HEATR5A: variants seen among roughly 807,000 people sequenced by gnomAD.
HEATR5A encodes the protein HEAT repeat containing 5A, also known as HEAT repeat-containing protein 5A.
Under a neutral mutation model 218.8 loss-of-function variants are expected in HEATR5A, and 178 were observed. The observed-to-expected ratio is 0.81, with a 90% CI of 0.72 to 0.92. The LOEUF (loss-of-function observed/expected upper bound fraction) is 0.92. Ranked by LOEUF, HEATR5A falls within the 40% of genes least tolerant of loss-of-function variation. HEATR5A has a pLI of 0.00. For synonymous variants in HEATR5A, 864 were observed against 871.6 expected (o/e 0.99, Z 0.15); for missense variants, 2,420 against 2,418.9 (o/e 1.00, Z -0.01).
intron 22 of HEATR5A, among the ~76,000 whole-genome samples, chr14:31,334,962 A>AG (rs1229017413): frequency 1.3e-5 from 2 of 151,118 alleles, no homozygotes; most frequent in Admixed American, 6.6e-5. Flanking sequence ...AAAAAAAAAA[A>AG]AAAGAAAAAG....
chr14:31,419,521 TTCC>T (rs1182570705), intron 1 of HEATR5A, among the ~76,000 whole-genome samples: 3 of 152,216 alleles, frequency 2.0e-5, no homozygotes, highest in African/African-American at 7.2e-5. Context: ...GCCCCTTTTT[TTCC>T]TCCTTAAACT....
In HEATR5A at chr14:31,327,948, C is replaced by T. The variant is rs151095891; in HGVS notation, c.3368-1606G>A. ...TTTGAAAGGTTATATTATTAGTAGA[C>T]TATTCTATTTATTTATTGTTTTGGA... On this transcript the variant is annotated intron_variant, in intron 22 of 35. Coordinates refer to ENST00000543095, the MANE Select transcript of HEATR5A (RefSeq NM_015473.4). Among the ~76,000 whole-genome samples, 3 of 152,110 alleles carry T rather than the reference C, an allele frequency of 2.0e-5. 1 individual carries two copies. The highest frequency in any genetic ancestry group is 7.2e-5 in the African/African-American group (3 of 41,528).
At chr14:31,397,734 C>T (rs745876489) in intron 4 of HEATR5A, among the ~76,000 whole-genome samples, 12 of 152,050 alleles carry the variant, frequency 7.9e-5, no homozygotes, top group Middle Eastern at 3.4e-3. Flanking sequence ...CCATAGCTCA[C>T]GACAGCCTCG....
intron 32 of HEATR5A, among the ~76,000 whole-genome samples, chr14:31,304,589 G>C (rs1170525711): frequency 6.6e-6 from 1 of 152,008 alleles, no homozygotes; most frequent in African/African-American, 2.4e-5. Flanking sequence ...GGCTAATTTT[G>C]TATTTTTAGT....
intron 13 of HEATR5A, among the ~76,000 whole-genome samples, chr14:31,366,185 G>A (rs1196861298): frequency 6.6e-6 from 1 of 152,146 alleles, no homozygotes; most frequent in Admixed American, 6.5e-5. Flanking sequence ...GAGGCCAGAT[G>A]ATCGCTTGAG....
Position 31,388,836 on chromosome 14 carries a change from G to A in HEATR5A, c.933+9C>T. The stretch of plus-strand genomic sequence containing the variant: ...GAGTTAGACTGAGATACTGATTTGT[G>A]ATTCCAACCTGAGTAACTCCAACTC... On this transcript the variant is annotated intron_variant, in intron 7 of 35. Transcript: ENST00000543095. The A allele has an allele frequency of 6.2e-7, 1 of 1,611,584 alleles. No homozygotes were observed. The highest frequency in any genetic ancestry group is 1.3e-5 in the African/African-American group (1 of 74,978).
At position 31,293,915 on chromosome 14, in the gene HEATR5A, C is replaced by T; in HGVS notation, c.5809G>A (p.Val1937Ile). Residue 1937 changes from valine (V) to isoleucine (I), a missense_variant, in exon 35 of 36, where the codon GTT (valine) becomes ATT (isoleucine). By Grantham distance (29) the Val-to-Ile change is conservative (BLOSUM62 3). Transcript: ENST00000543095. Reference sequence around the variant, plus strand: ...CGATGGTGTTCTTCAGCAACAGTAACCAGTGTTTCTAAGACCTTTATGCCT... The same window carrying T: ...CGATGGTGTTCTTCAGCAACAGTAATCAGTGTTTCTAAGACCTTTATGCCT... ...QEGIKVLETL[V>I]TVAEEHHRAQ... 1 of 1,604,422 alleles carries T rather than the reference C, an allele frequency of 6.2e-7. No homozygotes were observed. The highest frequency in any genetic ancestry group is 8.5e-7 in the Non-Finnish European group (1 of 1,174,898).
At chr14:31,347,147 T>C (rs1901048655) in intron 19 of HEATR5A, among the ~76,000 whole-genome samples, 7 of 152,230 alleles carry the variant, frequency 4.6e-5, no homozygotes, top group Admixed American at 2.0e-4. Flanking sequence ...CTTAGAAGAA[T>C]GTATCGTAAC....
chr14:31,312,846 C>T, intron 28 of HEATR5A, 122 bp downstream of exon 28: 22 of 815,994 alleles, frequency 2.7e-5, no homozygotes, highest in Non-Finnish European at 3.8e-5. Flanking sequence ...TGCAGTGAGC[C>T]AAAATTGCAC....
rs1010718073 is a variant in HEATR5A at position 31,394,156 on chromosome 14, C to T, written c.668G>A (p.Cys223Tyr). Reference sequence around the variant, plus strand: ...ATTGGAACCTTCAAAGGACTTAAAACACAGTGTGGCCACACTGTCCAGGTC... The same window carrying T: ...ATTGGAACCTTCAAAGGACTTAAAATACAGTGTGGCCACACTGTCCAGGTC... ...STDLDSVATL[C>Y]FKSFEGSNYD... Residue 223 changes from cysteine to tyrosine, a missense_variant, in exon 6 of 36, where the codon TGT (cysteine) becomes TAT (tyrosine). Physicochemically the swap from Cys to Tyr is radical, Grantham distance 194. Coordinates refer to ENST00000543095, the MANE Select transcript of HEATR5A (RefSeq NM_015473.4). 6 of 1,533,590 alleles carry T rather than the reference C, an allele frequency of 3.9e-6. No individual in the cohort carries two copies. The African/African-American group carries it at 6.9e-5, about 18-fold the overall frequency. The allele number at this position is 1,533,590 out of a possible 1,614,324, so 95.0% of individuals were successfully genotyped here.
At chr14:31,333,779 C>G (rs1900555803) in intron 22 of HEATR5A, among the ~76,000 whole-genome samples, 1 of 151,954 alleles carries the variant, frequency 6.6e-6, no homozygotes, top group South Asian at 2.1e-4. Flanking sequence ...CACCTGTAAT[C>G]CCAGCACTTT....
chr14:31,413,919 T>C (rs1350741675), intron 1 of HEATR5A, among the ~76,000 whole-genome samples: 7 of 152,242 alleles, frequency 4.6e-5, no homozygotes. Context: ...CCAGTCCTTC[T>C]AACTTTGTTG....
At chr14:31,373,209 G>T (rs1294317516) in intron 12 of HEATR5A, among the ~76,000 whole-genome samples, 1 of 151,836 alleles carries the variant, frequency 6.6e-6, no homozygotes, top group African/African-American at 2.4e-5. Flanking sequence ...CACTGAGCCT[G>T]GCCAAAATCA....
At chr14:31,395,073 T>C in intron 5 of HEATR5A, 126 bp downstream of exon 5, 1 of 544,278 alleles carries the variant, frequency 1.8e-6, no homozygotes, top group East Asian at 2.9e-5. Context: ...AGTTTCCTCA[T>C]ATGTTAAAAT....
chr14:31,375,271 CTGTAA>C (rs2139261839), intron 11 of HEATR5A, among the ~76,000 whole-genome samples: 1 of 152,276 alleles, frequency 6.6e-6, no homozygotes, highest in South Asian at 2.1e-4. Context: ...CTAAAGCCCC[CTGTAA>C]TGCTTGTCTT....
intron 12 of HEATR5A, among the ~76,000 whole-genome samples, chr14:31,373,825 G>A (rs1366165577): frequency 6.6e-6 from 1 of 151,994 alleles, no homozygotes; most frequent in Non-Finnish European, 1.5e-5. Context: ...TGCCCCCAGT[G>A]AGAGAAGTAG....
rs199743106 is a variant in HEATR5A, at chr14:31,419,282, G to GA, written c.-75+1189dup. Reference sequence around the variant, plus strand: ...TAAATCCTGCCTGCTTATCAGTGAAGAAAAAAAAAAAGTCAATGGCATTAA... The same window carrying GA: ...TAAATCCTGCCTGCTTATCAGTGAAGAAAAAAAAAAAAGTCAATGGCATTAA... On this transcript the variant is annotated intron_variant, in intron 1 of 35. Transcript: ENST00000543095. Among the ~76,000 whole-genome samples the GA allele has an allele frequency of 5.3e-3, 755 of 142,466 alleles. 6 individuals are homozygous for GA. The highest frequency in any genetic ancestry group is 0.018 in the African/African-American group (700 of 39,066). The allele number at this position is 142,466 out of a possible 152,430, so 93.5% of individuals were successfully genotyped here.
chr14:31,330,014 A>C (rs533663628), intron 22 of HEATR5A, among the ~76,000 whole-genome samples: 5 of 152,338 alleles, frequency 3.3e-5, no homozygotes, highest in Admixed American at 6.5e-5. Context: ...CCCGGCCTTG[A>C]CAGTGGTCCT....
At chr14:31,382,981 C>T (rs757490886) in intron 10 of HEATR5A, among the ~76,000 whole-genome samples, 40 of 151,882 alleles carry the variant, frequency 2.6e-4, no homozygotes, top group Middle Eastern at 6.8e-3. Flanking sequence ...GCCATTGCTC[C>T]ATAGAGTCCT....
Sources: allele counts gnomAD v4.1 joint callset (sites outside exome capture counted in the v4.1 genomes callset), GRCh38; gene constraint gnomAD v4.1.1; transcripts MANE v1.5; gene names NCBI Gene and HGNC (gene_info 2026-07-23, HGNC 2026-07-21).